The following UBE3D variants were observed in gnomAD, a reference collection of about 807,000 sequenced individuals.
UBE3D encodes ubiquitin protein ligase E3D.
UBE3D carries 48 observed loss-of-function variants against 49.6 expected under a neutral mutation model. The observed-to-expected ratio is 0.97, with a 90% CI of 0.77 to 1.23. The LOEUF is 1.23. Among genes scored for constraint, UBE3D ranks in the 50% most tolerant of loss-of-function variants. The pLI is 0.00. For synonymous variants in UBE3D, 189 were observed against 174.2 expected (o/e 1.08, Z -0.67); for missense variants, 452 against 468.4 (o/e 0.96, Z 0.32).
intron 5 of UBE3D, among the ~76,000 whole-genome samples, chr6:83,030,610 T>C (rs1296199359): frequency 3.3e-5 from 5 of 152,194 alleles, no homozygotes; most frequent in East Asian, 1.9e-4. Context: ...TTGGTACTAG[T>C]AGAGTGGGGT....
chr6:83,018,961 T>C lies in UBE3D; in HGVS notation c.1010+12A>G. On this transcript the variant is annotated intron_variant, in intron 8 of 9. Coordinates refer to ENST00000369747, the MANE Select transcript of UBE3D (RefSeq NM_198920.3). ...ACATAATGTGGAAAGAGAAAACAAA[T>C]GCACAACTTACTTTTCATTCCTGCT... 6.2e-7 allele frequency: 1 copy of C among 1,610,770 alleles called. No individual in the cohort carries two copies. Among genetic ancestry groups the C allele is most frequent in the Non-Finnish European group, 8.5e-7 (1 of 1,179,098 alleles).
At chr6:82,921,126 T>C (rs981228226) in intron 9 of UBE3D, among the ~76,000 whole-genome samples, 6 of 152,062 alleles carry the variant, frequency 3.9e-5, no homozygotes, top group African/African-American at 1.4e-4. Context: ...CAACTAATTT[T>C]TATATTTTTA....
At chr6:83,049,725 G>C (rs752298049) in intron 3 of UBE3D, 2 of 470,782 alleles carry the variant, frequency 4.2e-6, no homozygotes, top group Non-Finnish European at 8.8e-6. Context: ...AGGGAGAACA[G>C]GGCGAACCAT....
intron 7 of UBE3D, among the ~76,000 whole-genome samples, chr6:83,020,226 C>A (rs1489391822): frequency 1.3e-5 from 2 of 152,060 alleles, no homozygotes; most frequent in Non-Finnish European, 2.9e-5. Context: ...ATCAGCCATA[C>A]AGCAAAATTC....
downstream of UBE3D, among the ~76,000 whole-genome samples, chr6:82,887,399 T>TTTTTTTTTTTG (rs1770906467): frequency 7.2e-6 from 1 of 138,958 alleles, no homozygotes; most frequent in African/African-American, 2.8e-5. Context: ...GTTTTTTTTT[T>TTTTTTTTTTTG]TTTTTTTTTT....
intron 8 of UBE3D, among the ~76,000 whole-genome samples, chr6:82,984,672 ATTTCT>A (rs1778338640): frequency 6.6e-6 from 1 of 151,764 alleles, no homozygotes; most frequent in Non-Finnish European, 1.5e-5. Context: ...AGTTCTTTTC[ATTTCT>A]TTTCTGATGA....
chr6:83,015,042 T>G (rs550340341), intron 8 of UBE3D, among the ~76,000 whole-genome samples: 1 of 152,330 alleles, frequency 6.6e-6, no homozygotes, highest in South Asian at 2.1e-4. Flanking sequence ...TATGCCCACC[T>G]TGCCTTTGAC....
downstream of UBE3D, among the ~76,000 whole-genome samples, chr6:82,888,172 G>T (rs562975080): frequency 6.6e-6 from 1 of 152,068 alleles, no homozygotes; most frequent in Non-Finnish European, 1.5e-5. Flanking sequence ...GCTGGGAAGG[G>T]TACTGGGCAG....
intron 9 of UBE3D, among the ~76,000 whole-genome samples, chr6:82,951,846 ATCC>A (rs1050547861): frequency 6.6e-6 from 1 of 152,200 alleles, no homozygotes; most frequent in African/African-American, 2.4e-5. Context: ...AAGAGATGGT[ATCC>A]TCCTGACAAT....
intron 9 of UBE3D, among the ~76,000 whole-genome samples, chr6:82,955,539 T>C (rs1361952843): frequency 6.6e-6 from 1 of 152,218 alleles, no homozygotes; most frequent in Non-Finnish European, 1.5e-5. Flanking sequence ...TTTGTGGGCA[T>C]ATACAAACTT....
chr6:82,999,272 C>G lies in UBE3D; in HGVS notation c.1010+19701G>C, dbSNP rs115057957. Among the ~76,000 whole-genome samples the G allele has an allele frequency of 8.4e-3, 1,282 of 152,278 alleles. 14 individuals are homozygous for G. The highest frequency in any genetic ancestry group is 0.029 in the African/African-American group (1,197 of 41,558). On this transcript the variant is annotated intron_variant, in intron 8 of 9. Transcript: ENST00000369747. ...GAGCTATCCTGCTCCTGAGGCTGGTCGGTCCACCAGAGCTTGAGATACCAG... is the reference window on the plus strand; with the variant it reads ...GAGCTATCCTGCTCCTGAGGCTGGTGGGTCCACCAGAGCTTGAGATACCAG...
intron 9 of UBE3D, among the ~76,000 whole-genome samples, chr6:82,942,609 C>T (rs1775095183): frequency 6.6e-6 from 1 of 152,210 alleles, no homozygotes; most frequent in Non-Finnish European, 1.5e-5. Context: ...CTAAAAGGGG[C>T]CAACGTACAG....
intron 3 of UBE3D, among the ~76,000 whole-genome samples, chr6:83,045,079 G>C (rs910837738): frequency 2.0e-5 from 3 of 152,140 alleles, no homozygotes; most frequent in Admixed American, 1.3e-4. Flanking sequence ...TCAACTGTTA[G>C]ATATTTAGGT....
intron 5 of UBE3D, among the ~76,000 whole-genome samples, chr6:83,026,996 C>T (rs1311796657): frequency 6.6e-6 from 1 of 151,974 alleles, no homozygotes; most frequent in Non-Finnish European, 1.5e-5. Context: ...TATTTTAATC[C>T]CACAAGTATT....
At chr6:82,928,380 G>T (rs2127741969) in intron 9 of UBE3D, among the ~76,000 whole-genome samples, 1 of 152,032 alleles carries the variant, frequency 6.6e-6, no homozygotes, top group Admixed American at 6.5e-5. Context: ...AAAAAGCACA[G>T]GAATAGGCAA....
chr6:83,060,423 T>C (rs1491001145), intron 1 of UBE3D, among the ~76,000 whole-genome samples: 2 of 152,230 alleles, frequency 1.3e-5, no homozygotes, highest in East Asian at 1.9e-4. Context: ...TGTGAAGTCA[T>C]GGTTTTCAAT....
the UBE3D span, among the ~76,000 whole-genome samples, chr6:82,887,034 G>A: frequency 5.8e-3 from 877 of 152,238 alleles, 10 homozygotes; most frequent in African/African-American, 0.019. Context: ...GCCTAGTGCA[G>A]TGGCTCATGC....
At chr6:82,981,939 A>G (rs982656814) in intron 8 of UBE3D, among the ~76,000 whole-genome samples, 1 of 152,156 alleles carries the variant, frequency 6.6e-6, no homozygotes, top group African/African-American at 2.4e-5. Context: ...TGTCATATTA[A>G]AATTAGGACT....
intron 2 of UBE3D, 22 bp from the exon 3 acceptor site, chr6:83,054,260 G>C: frequency 6.4e-7 from 1 of 1,566,430 alleles, no homozygotes; most frequent in Non-Finnish European, 8.8e-7. Context: ...CAATGAAATA[G>C]CTAATCTTAG....
Sources: allele counts gnomAD v4.1 joint callset (sites outside exome capture counted in the v4.1 genomes callset), GRCh38; gene constraint gnomAD v4.1.1; transcripts MANE v1.5; gene names NCBI Gene and HGNC (gene_info 2026-07-23, HGNC 2026-07-21).